The following CNTN5 variants were observed in gnomAD, a reference collection of about 807,000 sequenced individuals.
The protein encoded by CNTN5 is contactin-5.
Under a neutral mutation model 129.1 loss-of-function variants are expected in CNTN5, and 77 were observed. That is an observed-to-expected ratio of 0.60 (90% CI 0.50 to 0.72). The LOEUF (loss-of-function observed/expected upper bound fraction) is 0.72, where lower values mean the gene tolerates loss of function less well. Ranked by LOEUF, CNTN5 falls within the 30% of genes least tolerant of loss-of-function variation. CNTN5 has a pLI of 0.00. For missense variants in CNTN5, 1,478 were observed against 1,328.8 expected, an observed-to-expected ratio of 1.11 and a Z score of -1.75; for synonymous variants, 509 against 465.6, an observed-to-expected ratio of 1.09 and a Z score of -1.20.
chr11:99,157,442 T>G (rs1860389989), intron 1 of CNTN5, among the ~76,000 whole-genome samples: 1 of 152,136 alleles, frequency 6.6e-6, no homozygotes, highest in Non-Finnish European at 1.5e-5. Context: ...TCACTGCATT[T>G]AACTATTTTT....
intron 16 of CNTN5, among the ~76,000 whole-genome samples, chr11:100,232,495 G>A (rs1394218604): frequency 6.6e-6 from 1 of 152,190 alleles, no homozygotes; most frequent in Non-Finnish European, 1.5e-5. Flanking sequence ...CCAAATTATG[G>A]TAGATGGAGA....
chr11:99,318,589 G>A (rs866252655), intron 1 of CNTN5, among the ~76,000 whole-genome samples: 3 of 152,070 alleles, frequency 2.0e-5, no homozygotes, highest in Middle Eastern at 3.4e-3. Flanking sequence ...ATGGCAGAGA[G>A]GAGCATCATC....
At chr11:99,523,663 TCAGAACAGAA>T (rs143876090) in intron 2 of CNTN5, among the ~76,000 whole-genome samples, 3,595 of 132,740 alleles carry the variant, frequency 0.027, 189 homozygotes, top group African/African-American at 0.094. Context: ...ACAGAACAGA[TCAGAACAGAA>T]CAGAACAGAA....
intron 6 of CNTN5, among the ~76,000 whole-genome samples, chr11:99,888,721 A>C (rs534322894): frequency 6.6e-6 from 1 of 152,356 alleles, no homozygotes; most frequent in Admixed American, 6.5e-5. Flanking sequence ...AGAGAGATAA[A>C]GAAAGGAAAT....
chr11:99,505,731 G>T (rs551583532), intron 2 of CNTN5, among the ~76,000 whole-genome samples: 1 of 152,194 alleles, frequency 6.6e-6, no homozygotes, highest in South Asian at 2.1e-4. Flanking sequence ...TTTCATTTTT[G>T]TTTTTTAAAT....
At chr11:99,452,499 A>G (rs1418061304) in intron 2 of CNTN5, among the ~76,000 whole-genome samples, 3 of 150,252 alleles carry the variant, frequency 2.0e-5, no homozygotes, top group African/African-American at 7.3e-5. Context: ...CAGCCTCTCA[A>G]GTAGCTGGGA....
At chr11:99,731,879 G>C (rs183586537) in intron 3 of CNTN5, among the ~76,000 whole-genome samples, 90 of 152,176 alleles carry the variant, frequency 5.9e-4, no homozygotes, top group Non-Finnish European at 1.1e-3. Context: ...GGCTAGCCCA[G>C]ATTCAAAGGA....
chr11:99,135,949 A>G (rs751578959), intron 1 of CNTN5, among the ~76,000 whole-genome samples: 1 of 152,204 alleles, frequency 6.6e-6, no homozygotes, highest in African/African-American at 2.4e-5. Context: ...CACAGAAGAT[A>G]CAATAAATAT....
intron 3 of CNTN5, among the ~76,000 whole-genome samples, chr11:99,666,770 C>CT (rs1047904521): frequency 2.0e-4 from 31 of 151,902 alleles, no homozygotes; most frequent in Middle Eastern, 3.2e-3. Flanking sequence ...GGGAAGTGGA[C>CT]TTTTTTTTCC....
intron 9 of CNTN5, among the ~76,000 whole-genome samples, chr11:100,059,762 T>C (rs1269399898): frequency 6.6e-6 from 1 of 152,156 alleles, no homozygotes; most frequent in African/African-American, 2.4e-5. Flanking sequence ...TTGTATATTA[T>C]TGAAAAACAA....
intron 2 of CNTN5, among the ~76,000 whole-genome samples, chr11:99,356,639 C>T (rs73541098): frequency 6.6e-6 from 1 of 152,050 alleles, no homozygotes; most frequent in Non-Finnish European, 1.5e-5. Flanking sequence ...AGTATATTTA[C>T]CTTTAATAAC....
At chr11:99,060,496 A>G (rs2135208812) in intron 1 of CNTN5, among the ~76,000 whole-genome samples, 1 of 152,242 alleles carries the variant, frequency 6.6e-6, no homozygotes, top group African/African-American at 2.4e-5. Flanking sequence ...ATTCTCATTA[A>G]TAATTAACTA....
At chr11:99,120,996 A>T (rs1858291344) in intron 1 of CNTN5, among the ~76,000 whole-genome samples, 1 of 152,118 alleles carries the variant, frequency 6.6e-6, no homozygotes, top group African/African-American at 2.4e-5. Context: ...TTTACAATGA[A>T]ATGTTATTAT....
intron 24 of CNTN5, among the ~76,000 whole-genome samples, 169 bp from the exon 25 acceptor site, chr11:100,355,948 T>G (rs186719344): frequency 6.6e-6 from 1 of 151,858 alleles, no homozygotes; most frequent in African/African-American, 2.4e-5. Context: ...GTCCCTTCTA[T>G]ATAACTTTGG....
At chr11:99,577,289 G>C (rs1456517263) in intron 3 of CNTN5, among the ~76,000 whole-genome samples, 1 of 152,136 alleles carries the variant, frequency 6.6e-6, no homozygotes, top group Non-Finnish European at 1.5e-5. Flanking sequence ...ACATTACAGA[G>C]ATTCTTGCCC....
intron 3 of CNTN5, among the ~76,000 whole-genome samples, chr11:99,656,433 T>G (rs1383982770): frequency 1.3e-5 from 2 of 152,012 alleles, no homozygotes; most frequent in Non-Finnish European, 2.9e-5. Context: ...TTCATAGAAA[T>G]GATGATGCAA....
intron 3 of CNTN5, among the ~76,000 whole-genome samples, chr11:99,597,064 A>G (rs984712552): frequency 2.6e-5 from 4 of 152,168 alleles, no homozygotes; most frequent in Non-Finnish European, 5.9e-5. Context: ...ATTCATTTTC[A>G]GATCTCAACT....
intron 13 of CNTN5, among the ~76,000 whole-genome samples, chr11:100,101,969 C>T (rs1452745579): frequency 6.6e-6 from 1 of 152,088 alleles, no homozygotes; most frequent in East Asian, 1.9e-4. Context: ...TCTTTGTCCA[C>T]TGATTGGTTG....
At chr11:99,965,142 T>C (rs2136204739) in intron 8 of CNTN5, among the ~76,000 whole-genome samples, 1 of 152,322 alleles carries the variant, frequency 6.6e-6, no homozygotes, top group Non-Finnish European at 1.5e-5. Context: ...TTGAACGGTT[T>C]TTTGTGTCTT....
Sources: gnomAD v4.1 joint callset for allele counts (sites outside exome capture counted in the v4.1 genomes callset) on GRCh38, gnomAD v4.1.1 for gene constraint, MANE v1.5 for transcripts, NCBI Gene and HGNC (gene_info 2026-07-23, HGNC 2026-07-21) for gene names.